Variants in TMEM131 observed in about 807,000 individuals in gnomAD.
TMEM131 encodes the protein 2610524E03Rik.
Under a neutral mutation model 211.6 loss-of-function variants are expected in TMEM131, and 66 were observed. The observed-to-expected ratio is 0.31, with a 90% confidence interval of 0.26 to 0.38. The LOEUF is 0.38. Among genes scored for constraint, TMEM131 ranks in the 10% least tolerant of loss-of-function variants. The probability of loss-of-function intolerance (pLI) is 1.00; values close to 1 mark genes in which losing one functional copy is unlikely to be tolerated. For missense variants in TMEM131, 2,036 were observed against 2,299.3 expected, an observed-to-expected ratio of 0.89 and a Z score of 2.34; for synonymous variants, 844 against 841.3, an observed-to-expected ratio of 1.00 and a Z score of -0.06.
At chr2:97,850,644 TAAAATA>T (rs1275656523) in intron 5 of TMEM131, among the ~76,000 whole-genome samples, 2 of 152,044 alleles carry the variant, frequency 1.3e-5, no homozygotes, top group Non-Finnish European at 2.9e-5. Flanking sequence ...TCCCTGAACT[TAAAATA>T]AAAGTTGAAA....
intron 1 of TMEM131, among the ~76,000 whole-genome samples, chr2:97,930,407 A>G (rs2104453214): frequency 6.6e-6 from 1 of 151,962 alleles, no homozygotes; most frequent in Non-Finnish European, 1.5e-5. Flanking sequence ...AAAAATATAT[A>G]AAAATTCTAT....
chr2:97,761,900 C>T, intron 36 of TMEM131, 135 bp downstream of exon 36: 1 of 1,027,054 alleles, frequency 9.7e-7, no homozygotes, highest in Non-Finnish European at 1.4e-6. Flanking sequence ...GTAAAAGGGT[C>T]CACACAAGCT....
chr2:97,884,304 TA>T (rs1271426625), intron 4 of TMEM131, among the ~76,000 whole-genome samples: 1 of 152,206 alleles, frequency 6.6e-6, no homozygotes, highest in Non-Finnish European at 1.5e-5. Context: ...AAAATTAATT[TA>T]AAAAAATTTT....
rs1292507283 is a variant in TMEM131, at chr2:97,756,967, C to T, written c.*132G>A. The stretch of plus-strand genomic sequence containing the variant: ...AAGCGAGTGGTCTGAGCCTGCCCTG[C>T]TTGGGTCTGTTTTGCAAAGAAGAGG... On this transcript the variant is annotated 3_prime_UTR_variant, in exon 41 of 41. Coordinates refer to ENST00000186436, the MANE Select transcript of TMEM131 (RefSeq NM_015348.2). 5.5e-6 allele frequency: 6 copies of T among 1,089,838 alleles called. No individual in the cohort carries two copies. The highest frequency in any genetic ancestry group is 6.4e-6 in the Non-Finnish European group (5 of 786,980). 67.5% of individuals were successfully genotyped at this position (1,089,838 alleles called of 1,614,324 possible).
At chr2:97,827,174 C>T in intron 11 of TMEM131, 3 of 633,574 alleles carry the variant, frequency 4.7e-6, no homozygotes, top group South Asian at 1.8e-5. Context: ...AGCGGCAAGG[C>T]AGCCCAGTTT....
chr2:97,931,119 A>C (rs1677201180), intron 1 of TMEM131, among the ~76,000 whole-genome samples: 1 of 151,788 alleles, frequency 6.6e-6, no homozygotes. Flanking sequence ...TTAGCAACCA[A>C]ATTTTTTTAA....
At chr2:97,775,752 TA>T in intron 32 of TMEM131, 90 bp downstream of exon 32, 1 of 1,405,192 alleles carries the variant, frequency 7.1e-7, no homozygotes, top group Non-Finnish European at 9.6e-7. Context: ...ACTTTTGTAC[TA>T]AAACCAGAAT....
At chr2:97,943,912 T>C (rs1398192766) in intron 1 of TMEM131, among the ~76,000 whole-genome samples, 1 of 151,868 alleles carries the variant, frequency 6.6e-6, no homozygotes, top group Non-Finnish European at 1.5e-5. Flanking sequence ...TGAAACCCCA[T>C]CTCTACTAAA....
At chr2:97,917,161 T>C (rs915284505) in intron 2 of TMEM131, among the ~76,000 whole-genome samples, 8 of 152,174 alleles carry the variant, frequency 5.3e-5, no homozygotes, top group Non-Finnish European at 1.2e-4. Context: ...TCTGCCAGCT[T>C]TTGCAAATAA....
intron 3 of TMEM131, among the ~76,000 whole-genome samples, chr2:97,895,423 G>C (rs1215403190): frequency 6.6e-6 from 1 of 152,150 alleles, no homozygotes; most frequent in Non-Finnish European, 1.5e-5. Context: ...CTATTGATTG[G>C]AATAGTTTCA....
intron 33 of TMEM131, among the ~76,000 whole-genome samples, chr2:97,769,262 T>C (rs1173623245): frequency 1.3e-5 from 2 of 152,218 alleles, no homozygotes; most frequent in Non-Finnish European, 2.9e-5. Context: ...GCTGGGATTA[T>C]AGATGTGAGC....
intron 4 of TMEM131, among the ~76,000 whole-genome samples, chr2:97,869,637 G>A (rs1484600081): frequency 6.6e-6 from 1 of 152,188 alleles, no homozygotes; most frequent in Non-Finnish European, 1.5e-5. Context: ...ACCACAGGAA[G>A]CAAAGGGAGC....
chr2:97,864,642 A>G (rs1277432118), intron 4 of TMEM131, among the ~76,000 whole-genome samples: 1 of 152,208 alleles, frequency 6.6e-6, no homozygotes, highest in Non-Finnish European at 1.5e-5. Flanking sequence ...CACAACAATA[A>G]TGCTGAAAAA....
chr2:97,815,715 A>G (rs1262721379), intron 12 of TMEM131, among the ~76,000 whole-genome samples: 1 of 152,122 alleles, frequency 6.6e-6, no homozygotes. Flanking sequence ...CCGGACCTCT[A>G]CTTGCTAGAC....
chr2:97,913,979 T>C (rs1186576210), intron 2 of TMEM131, among the ~76,000 whole-genome samples: 1 of 152,198 alleles, frequency 6.6e-6, no homozygotes, highest in African/African-American at 2.4e-5. Flanking sequence ...CCTCCAGGAC[T>C]GGGTTGGGGG....
chr2:97,791,308 G>C (rs145583200), intron 31 of TMEM131, among the ~76,000 whole-genome samples: 139 of 152,306 alleles, frequency 9.1e-4, no homozygotes, highest in Non-Finnish European at 1.4e-3. Context: ...GTGTGGGCTG[G>C]ACCACACTTC....
chr2:97,785,471 G>C (rs543917188), intron 31 of TMEM131, among the ~76,000 whole-genome samples: 1 of 152,156 alleles, frequency 6.6e-6, no homozygotes, highest in Admixed American at 6.5e-5. Context: ...ACCACAAAGA[G>C]GTATCACTAC....
chr2:97,763,848 G>A (rs1679006519), intron 35 of TMEM131: 1 of 152,438 alleles, frequency 6.6e-6, no homozygotes, highest in Admixed American at 6.5e-5. Context: ...ATGATGAAAT[G>A]AAACAGGAAA....
chr2:97,917,722 G>A (rs1473231336), intron 2 of TMEM131, among the ~76,000 whole-genome samples: 1 of 152,148 alleles, frequency 6.6e-6, no homozygotes, highest in Non-Finnish European at 1.5e-5. Flanking sequence ...CAGATCTCAT[G>A]AGAACTCACA....
Sources: allele counts gnomAD v4.1 joint callset (sites outside exome capture counted in the v4.1 genomes callset), GRCh38; gene constraint gnomAD v4.1.1; transcripts MANE v1.5; gene names NCBI Gene and HGNC (gene_info 2026-07-23, HGNC 2026-07-21).